The following PALD1 variants were observed in gnomAD, a reference collection of about 807,000 sequenced individuals.
PALD1 encodes paladin.
A neutral mutation model predicts 96.0 loss-of-function variants in PALD1; 57 were observed. The ratio of observed to expected loss-of-function variants is 0.59; its 90% CI spans 0.48 to 0.74. The LOEUF (loss-of-function observed/expected upper bound fraction) is 0.74, where lower values mean the gene tolerates loss of function less well. Among genes scored for constraint, PALD1 ranks in the 30% least tolerant of loss-of-function variants. The probability of loss-of-function intolerance (pLI) is 0.00; values close to 1 mark genes in which losing one functional copy is unlikely to be tolerated. For synonymous variants in PALD1, 464 were observed against 473.6 expected (o/e 0.98, Z 0.26); for missense variants, 1,063 against 1,143.7 (o/e 0.93, Z 1.02).
intron 1 of PALD1, among the ~76,000 whole-genome samples, chr10:70,507,127 C>G (rs753413167): frequency 2.0e-5 from 3 of 151,886 alleles, no homozygotes; most frequent in Admixed American, 1.3e-4. Context: ...TTAGGACAGG[C>G]ACGGTGGCTC....
intron 1 of PALD1, among the ~76,000 whole-genome samples, chr10:70,494,866 G>A (rs1357265637): frequency 6.6e-6 from 1 of 152,248 alleles, no homozygotes; most frequent in Non-Finnish European, 1.5e-5. Context: ...TAGGCAGGAT[G>A]TGGGAAAACT....
chr10:70,476,533 T>C (rs1845824173), upstream of PALD1, among the ~76,000 whole-genome samples: 1 of 152,168 alleles, frequency 6.6e-6, no homozygotes, highest in Non-Finnish European at 1.5e-5. Context: ...CTGGTGAGGC[T>C]GGGCACTGTG....
At chr10:70,554,622 G>A (rs1228168399) in intron 18 of PALD1, among the ~76,000 whole-genome samples, 1 of 152,054 alleles carries the variant, frequency 6.6e-6, no homozygotes, top group Non-Finnish European at 1.5e-5. Flanking sequence ...CTTGGAAAGG[G>A]AAAATATTTA....
chr10:70,555,542 G>T (rs1847588787), intron 18 of PALD1, among the ~76,000 whole-genome samples: 1 of 152,220 alleles, frequency 6.6e-6, no homozygotes, highest in African/African-American at 2.4e-5. Flanking sequence ...AGCCGCTACT[G>T]TGTGACTGCC....
intron 18 of PALD1, among the ~76,000 whole-genome samples, chr10:70,564,150 C>A (rs1005895590): frequency 6.6e-6 from 1 of 152,158 alleles, no homozygotes; most frequent in African/African-American, 2.4e-5. Context: ...TCAGGGAGGC[C>A]AGGAGGCTTG....
At chr10:70,545,341 C>T (rs762207203) in intron 17 of PALD1, among the ~76,000 whole-genome samples, 2 of 151,972 alleles carry the variant, frequency 1.3e-5, no homozygotes, top group Non-Finnish European at 2.9e-5. Context: ...TTTATACTTT[C>T]GTAAGACCTC....
chr10:70,508,046 G>A (rs934941170), intron 1 of PALD1, among the ~76,000 whole-genome samples: 7 of 152,160 alleles, frequency 4.6e-5, no homozygotes, highest in Non-Finnish European at 1.0e-4. Flanking sequence ...TGGACAAGAA[G>A]ATTGAGCCAG....
At chr10:70,468,214 C>G in the PALD1 span, among the ~76,000 whole-genome samples, 1 of 152,044 alleles carries the variant, frequency 6.6e-6, no homozygotes, top group Non-Finnish European at 1.5e-5. Context: ...AGTTGCCTGT[C>G]TTACTGGGAA....
the PALD1 span, among the ~76,000 whole-genome samples, chr10:70,459,269 G>T: frequency 1.3e-5 from 2 of 152,230 alleles, no homozygotes; most frequent in African/African-American, 4.8e-5. Flanking sequence ...GGCTCGGAGA[G>T]GTGAAGTCAC....
chr10:70,525,012 A>AT (rs1169789916), intron 1 of PALD1, among the ~76,000 whole-genome samples: 2 of 151,676 alleles, frequency 1.3e-5, no homozygotes, highest in Admixed American at 6.6e-5. Flanking sequence ...TTTATTTTTT[A>AT]TTTTTTTGAG....
At chr10:70,555,492 TGTG>T (rs147146211) in intron 18 of PALD1, among the ~76,000 whole-genome samples, 44,535 of 151,978 alleles carry the variant, frequency 0.29, 7,565 homozygotes, top group Middle Eastern at 0.4. Flanking sequence ...GGGGCAATCT[TGTG>T]GTGGCAGAGA....
chr10:70,532,862 C>T (rs1191646676), intron 6 of PALD1, 81 bp downstream of exon 6: 4 of 1,552,576 alleles, frequency 2.6e-6, no homozygotes, highest in Non-Finnish European at 3.5e-6. Context: ...TCACCATCTG[C>T]AGGTTGGGCG....
At chr10:70,480,383 G>A (rs922305232) in intron 1 of PALD1, among the ~76,000 whole-genome samples, 3 of 152,190 alleles carry the variant, frequency 2.0e-5, no homozygotes, top group African/African-American at 7.2e-5. Flanking sequence ...CCTCTGTCGC[G>A]GGGGGTTGGG....
At chr10:70,549,024 C>T (rs932582916) in intron 18 of PALD1, among the ~76,000 whole-genome samples, 1 of 94,144 alleles carries the variant, frequency 1.1e-5, no homozygotes, top group Non-Finnish European at 1.9e-5. Context: ...CCCTGGGCAA[C>T]ATAGCAAGAC....
chr10:70,507,461 G>A (rs558082670), intron 1 of PALD1, among the ~76,000 whole-genome samples: 8 of 152,276 alleles, frequency 5.3e-5, no homozygotes, highest in African/African-American at 1.7e-4. Context: ...GTCTTGCTCT[G>A]TCACCCAGGC....
chr10:70,548,177 C>T (rs192711406), intron 18 of PALD1, among the ~76,000 whole-genome samples: 1,930 of 151,950 alleles, frequency 0.013, 17 homozygotes, highest in Middle Eastern at 0.054. Context: ...TGGTGGCAGG[C>T]GCCTGTAGTC....
At chr10:70,560,821 G>A (rs1162090686) in intron 18 of PALD1, among the ~76,000 whole-genome samples, 1 of 152,084 alleles carries the variant, frequency 6.6e-6, no homozygotes, top group Non-Finnish European at 1.5e-5. Flanking sequence ...AATGGATGAG[G>A]AAGCCTTGTC....
At chr10:70,461,608 A>C in the PALD1 span, among the ~76,000 whole-genome samples, 140 of 152,228 alleles carry the variant, frequency 9.2e-4, no homozygotes, top group African/African-American at 3.2e-3. Context: ...ACCTCTGTAG[A>C]TGGGTACCCA....
intron 2 of PALD1, among the ~76,000 whole-genome samples, chr10:70,528,744 TG>T (rs1337157977): frequency 2.0e-5 from 3 of 152,332 alleles, no homozygotes; most frequent in African/African-American, 7.2e-5. Context: ...ACATCCAGGC[TG>T]GGATGGCTGC....
Sources: allele counts gnomAD v4.1 joint callset (sites outside exome capture counted in the v4.1 genomes callset), GRCh38; gene constraint gnomAD v4.1.1; transcripts MANE v1.5; gene names NCBI Gene and HGNC (gene_info 2026-07-23, HGNC 2026-07-21).